The following ZNF112 variants were observed in gnomAD, a reference collection of about 807,000 sequenced individuals.
ZNF112 encodes zinc finger protein 112, also known as zinc finger protein 112 (Y14).
ZNF112 carries 37 observed loss-of-function variants against 77.7 expected under a neutral mutation model. That is an observed-to-expected ratio of 0.48 (90% CI 0.37 to 0.63). The LOEUF (loss-of-function observed/expected upper bound fraction) is 0.63. ZNF112 is among the 20% of genes least tolerant of loss of function. The pLI is 0.00. For missense variants in ZNF112, 950 were observed against 1,077.4 expected, an observed-to-expected ratio of 0.88 and a Z score of 1.66; for synonymous variants, 333 against 363.6, an observed-to-expected ratio of 0.92 and a Z score of 0.96.
Position 44,328,449 on chromosome 19 carries a change from T to C in ZNF112, c.1708A>G (p.Thr570Ala). The C allele has an allele frequency of 1.9e-6, 3 of 1,614,190 alleles. No homozygotes were observed. The highest frequency in any genetic ancestry group is 2.5e-6 in the Non-Finnish European group (3 of 1,180,026). Reference sequence around the variant, plus strand: ...TCACATTTATAAGGTTTTTCTCCAGTGTGGACTCTCTGATGGGCTTGAAGA... The same window carrying C: ...TCACATTTATAAGGTTTTTCTCCAGCGTGGACTCTCTGATGGGCTTGAAGA... The part of the protein sequence containing the change: ...SYLQAHQRVH[T>A]GEKPYKCEEC... Residue 570 changes from threonine (T) to alanine (A), a missense_variant, in exon 4 of 4, where the codon ACT becomes GCT. This residue lies in a region of ZNF112 where 373 missense variants were observed against 482.8 expected (regional missense o/e 0.77). Coordinates refer to ENST00000354340, the MANE Select transcript of ZNF112 (RefSeq NM_013380.4).
upstream of ZNF112, among the ~76,000 whole-genome samples, chr19:44,360,867 C>A (rs1724585373): frequency 6.6e-6 from 1 of 152,122 alleles, no homozygotes; most frequent in East Asian, 1.9e-4. Flanking sequence ...AGTGTATAAA[C>A]CTATAAGAAA....
At chr19:44,333,378 A>G (rs1970306122) in intron 3 of ZNF112, among the ~76,000 whole-genome samples, 1 of 152,210 alleles carries the variant, frequency 6.6e-6, no homozygotes, top group Admixed American at 6.5e-5. Context: ...AATACAAGGT[A>G]TAGTGGTGAC....
chr19:44,332,559 T>C (rs1033862726), intron 3 of ZNF112, among the ~76,000 whole-genome samples: 1 of 152,252 alleles, frequency 6.6e-6, no homozygotes, highest in Non-Finnish European at 1.5e-5. Flanking sequence ...ATCATAATCC[T>C]TGTAGTTTTG....
At chr19:44,352,334 T>C (rs1248670006) in intron 1 of ZNF112, among the ~76,000 whole-genome samples, 1 of 152,120 alleles carries the variant, frequency 6.6e-6, no homozygotes, top group Non-Finnish European at 1.5e-5. Flanking sequence ...CCAGTAAAAG[T>C]GAAGCAGAAA....
chr19:44,349,050 C>CA (rs1352305271), intron 1 of ZNF112, among the ~76,000 whole-genome samples: 1 of 152,022 alleles, frequency 6.6e-6, no homozygotes, highest in African/African-American at 2.4e-5. Flanking sequence ...TGTGATGTGA[C>CA]AATTACATGA....
intron 1 of ZNF112, among the ~76,000 whole-genome samples, chr19:44,353,350 T>C (rs1266672001): frequency 1.3e-5 from 2 of 152,070 alleles, no homozygotes; most frequent in Non-Finnish European, 2.9e-5. Flanking sequence ...TTCTTAGATA[T>C]GACATCAAAA....
Position 44,329,157 on chromosome 19 carries a change from A to C in ZNF112, c.1000T>G (p.Phe334Val). The C allele has an allele frequency of 1.2e-6, 2 of 1,613,908 alleles. No individual in the cohort carries two copies. Among genetic ancestry groups the C allele is most frequent in the Non-Finnish European group, 1.7e-6 (2 of 1,179,986 alleles). The change falls in exon 4 of 4, where the codon TTC (phenylalanine) becomes GTC (valine). Residue 334 changes from phenylalanine (F) to valine (V), a missense_variant. Coordinates refer to ENST00000354340, the MANE Select transcript of ZNF112 (RefSeq NM_013380.4). ...GTGTTAAGAGGGGAACAGTGATTGAAGTTCTCACCATATTCACCACATTTG... is the reference window on the plus strand; with the variant it reads ...GTGTTAAGAGGGGAACAGTGATTGACGTTCTCACCATATTCACCACATTTG... ...PCKCGEYGEN[F>V]NHCSPLNTYE...
At chr19:44,357,948 C>T (rs889545246), upstream of ZNF112, among the ~76,000 whole-genome samples, 9 of 152,044 alleles carry the variant, frequency 5.9e-5, no homozygotes, top group African/African-American at 1.2e-4. Flanking sequence ...GTCAGGAGAT[C>T]GAGACCATCC....
chr19:44,340,595 G>A, intron 1 of ZNF112, 53 bp from the exon 2 acceptor site: 1 of 1,612,522 alleles, frequency 6.2e-7, no homozygotes, highest in African/African-American at 1.3e-5. Context: ...GCAGTGCTGA[G>A]AAGGTGTAAA....
At chr19:44,344,901 C>T (rs10419059) in intron 1 of ZNF112, among the ~76,000 whole-genome samples, 3,511 of 152,184 alleles carry the variant, frequency 0.023, 129 homozygotes, top group African/African-American at 0.076. Context: ...AGAGGAACTC[C>T]CTCACTTAAT....
At chr19:44,330,057 A>C in intron 3 of ZNF112, 121 bp from the exon 4 acceptor site, 1 of 685,908 alleles carries the variant, frequency 1.5e-6, no homozygotes, top group South Asian at 2.3e-5. Context: ...TCATGCCACT[A>C]TTTCTAAGAA....
chr19:44,353,410 G>C (rs919001384), intron 1 of ZNF112, among the ~76,000 whole-genome samples: 20 of 151,982 alleles, frequency 1.3e-4, no homozygotes, highest in Admixed American at 7.2e-4. Flanking sequence ...ATTAAAATTA[G>C]AAATTTTGTT....
Position 44,340,095 on chromosome 19 carries a change from T to C in ZNF112, c.124+321A>G, listed in dbSNP as rs539443951. On this transcript the variant is annotated intron_variant, in intron 2 of 3. Coordinates refer to ENST00000354340, the MANE Select transcript of ZNF112 (RefSeq NM_013380.4). ...GTGAGTTTAAAGTTATTTACAAATA[T>C]AATGTTTTTTTAAAAAAACCCCTCT... 1.4e-4 allele frequency among the ~76,000 whole-genome samples: 10 copies of C among 73,838 alleles called. No individual in the cohort carries two copies. In the South Asian group the frequency reaches 5.2e-3, roughly 38 times the overall value. 48.4% of individuals were successfully genotyped at this position (73,838 alleles called of 152,430 possible). A position where few individuals can be genotyped will look rare whatever the true frequency, so the allele number is the denominator to read the frequency against.
intron 2 of ZNF112, among the ~76,000 whole-genome samples, chr19:44,338,536 A>T (rs756233093): frequency 2.6e-5 from 4 of 152,162 alleles, no homozygotes; most frequent in Non-Finnish European, 5.9e-5. Context: ...AAAAGTGCAC[A>T]CTCTACCTAC....
At chr19:44,334,915 T>C (rs76291321) in intron 3 of ZNF112, among the ~76,000 whole-genome samples, 4,561 of 152,300 alleles carry the variant, frequency 0.03, 180 homozygotes, top group African/African-American at 0.09. Context: ...AAATGTGGGG[T>C]TGGAGCCCCC....
At chr19:44,333,225 T>G (rs1970302102) in intron 3 of ZNF112, among the ~76,000 whole-genome samples, 1 of 152,224 alleles carries the variant, frequency 6.6e-6, no homozygotes, top group African/African-American at 2.4e-5. Flanking sequence ...AATTTAATAG[T>G]TAGCTATAAT....
In ZNF112 at chr19:44,328,442, T is replaced by C; in HGVS notation, c.1715A>G (p.Glu572Gly). Residue 572 changes from glutamate to glycine, a missense_variant, in exon 4 of 4, where the codon GAA becomes GGA. By Grantham distance (98) the Glu-to-Gly change is moderately conservative. Transcript: ENST00000354340. ...LQAHQRVHTG[E>G]KPYKCEECGK... Reference sequence around the variant, plus strand: ...ACATTCCTCACATTTATAAGGTTTTTCTCCAGTGTGGACTCTCTGATGGGC... The same window carrying C: ...ACATTCCTCACATTTATAAGGTTTTCCTCCAGTGTGGACTCTCTGATGGGC... 6.2e-7 allele frequency: 1 copy of C among 1,614,120 alleles called. No individual in the cohort carries two copies. Among genetic ancestry groups the C allele is most frequent in the South Asian group, 1.1e-5 (1 of 91,080 alleles).
chr19:44,340,622 T>C, intron 1 of ZNF112, 80 bp from the exon 2 acceptor site: 1 of 1,601,792 alleles, frequency 6.2e-7, no homozygotes. Flanking sequence ...GAAGCTGTTC[T>C]GGAGTCTGGG....
intron 2 of ZNF112, among the ~76,000 whole-genome samples, chr19:44,337,683 C>T (rs1483071804): frequency 6.6e-6 from 1 of 150,800 alleles, no homozygotes; most frequent in Non-Finnish European, 1.5e-5. Context: ...TGCCAAAAAA[C>T]GTATAGTGTT....
Sources: gnomAD v4.1 joint callset for allele counts (sites outside exome capture counted in the v4.1 genomes callset) on GRCh38, gnomAD v4.1.1 for gene constraint, gnomAD v4.1.1 regional missense constraint, MANE v1.5 for transcripts, NCBI Gene and HGNC (gene_info 2026-07-23, HGNC 2026-07-21) for gene names.